Variants in AFG2A observed in about 807,000 individuals in gnomAD.
The protein encoded by AFG2A is ATPase family gene 2 protein homolog A.
At chr4:123,230,219 C>T in the AFG2A span, among the ~76,000 whole-genome samples, 286 of 152,074 alleles carry the variant, frequency 1.9e-3, 3 homozygotes, top group Middle Eastern at 6.8e-3. Context: ...CAACATTTTA[C>T]CCACAATATA....
chr4:123,150,714 A>G, the AFG2A span, among the ~76,000 whole-genome samples: 6 of 152,348 alleles, frequency 3.9e-5, no homozygotes, highest in South Asian at 2.1e-4. Context: ...TGTAGATTCA[A>G]TGCTATTCCC....
the AFG2A span, chr4:123,316,319 A>G: frequency 6.6e-6 from 1 of 152,220 alleles, no homozygotes; most frequent in Admixed American, 6.5e-5. Context: ...TTTATCAGAC[A>G]TATCAGCCAC....
chr4:123,170,964 A>G, the AFG2A span, among the ~76,000 whole-genome samples: 5 of 152,162 alleles, frequency 3.3e-5, no homozygotes, highest in African/African-American at 1.2e-4. Flanking sequence ...AAATGAGATC[A>G]TATCTGTGGA....
At chr4:122,968,666 G>A in the AFG2A span, among the ~76,000 whole-genome samples, 1 of 152,202 alleles carries the variant, frequency 6.6e-6, no homozygotes, top group Non-Finnish European at 1.5e-5. Context: ...CTGCACAAAT[G>A]TATGCATTTC....
chr4:122,927,494 T>G, the AFG2A span: 2 of 738,228 alleles, frequency 2.7e-6, no homozygotes, highest in Non-Finnish European at 4.1e-6. Flanking sequence ...ATAACAAAAG[T>G]TGGAACACTA....
chr4:123,055,512 A>G, the AFG2A span, among the ~76,000 whole-genome samples: 1 of 152,198 alleles, frequency 6.6e-6, no homozygotes, highest in Non-Finnish European at 1.5e-5. Flanking sequence ...ATTAGTTAAC[A>G]TTCTGCTAGG....
chr4:123,238,324 G>T, the AFG2A span, among the ~76,000 whole-genome samples: 1 of 152,220 alleles, frequency 6.6e-6, no homozygotes, highest in Admixed American at 6.5e-5. Context: ...AGACAGCAGT[G>T]GTTCTCCCAG....
chr4:123,206,772 T>C, the AFG2A span, among the ~76,000 whole-genome samples: 2 of 152,192 alleles, frequency 1.3e-5, no homozygotes, highest in Non-Finnish European at 1.5e-5. Flanking sequence ...TTCTTTTTTT[T>C]CTCATCTGAC....
the AFG2A span, among the ~76,000 whole-genome samples, chr4:123,016,754 G>A: frequency 6.6e-5 from 10 of 152,240 alleles, no homozygotes; most frequent in Admixed American, 3.9e-4. Context: ...TTGGCACTTT[G>A]GGAGGCCAAG....
At chr4:122,926,021 T>A in the AFG2A span, among the ~76,000 whole-genome samples, 3 of 152,148 alleles carry the variant, frequency 2.0e-5, no homozygotes, top group African/African-American at 7.2e-5. Flanking sequence ...ATTTTTAAAG[T>A]ATTGGAGGAG....
the AFG2A span, among the ~76,000 whole-genome samples, chr4:123,218,570 A>G: frequency 6.6e-6 from 1 of 152,190 alleles, no homozygotes; most frequent in African/African-American, 2.4e-5. Context: ...TGGTTGGATA[A>G]TTAGCAAATT....
the AFG2A span, among the ~76,000 whole-genome samples, chr4:123,055,821 G>C: frequency 6.6e-6 from 1 of 152,184 alleles, no homozygotes; most frequent in African/African-American, 2.4e-5. Flanking sequence ...CCCCACAACT[G>C]AGGTCATCTA....
At chr4:123,232,347 A>G in the AFG2A span, among the ~76,000 whole-genome samples, 1 of 152,032 alleles carries the variant, frequency 6.6e-6, no homozygotes, top group East Asian at 1.9e-4. Flanking sequence ...ATGAATAGGA[A>G]TATCTAGAGA....
At chr4:122,971,796 TTATTC>T in the AFG2A span, among the ~76,000 whole-genome samples, 5 of 152,308 alleles carry the variant, frequency 3.3e-5, no homozygotes, top group East Asian at 7.7e-4. Flanking sequence ...TATGAACTCT[TTATTC>T]TATTAATGGG....
chr4:122,975,792 A>T, the AFG2A span, among the ~76,000 whole-genome samples: 5 of 152,134 alleles, frequency 3.3e-5, no homozygotes, highest in South Asian at 8.3e-4. Flanking sequence ...GCAGTCAGTG[A>T]TTTTACTCTC....
At chr4:123,045,050 A>T in the AFG2A span, among the ~76,000 whole-genome samples, 1 of 151,768 alleles carries the variant, frequency 6.6e-6, no homozygotes, top group African/African-American at 2.4e-5. Context: ...TTTCCTGAAA[A>T]TTTTTGAAAA....
At chr4:122,939,329 G>T in the AFG2A span, among the ~76,000 whole-genome samples, 1 of 151,842 alleles carries the variant, frequency 6.6e-6, no homozygotes, top group Admixed American at 6.6e-5. Flanking sequence ...TGATCCGCCC[G>T]CCTCGGCCTC....
the AFG2A span, among the ~76,000 whole-genome samples, chr4:123,307,176 G>A: frequency 6.6e-6 from 1 of 152,132 alleles, no homozygotes. Flanking sequence ...ATCTACTTTT[G>A]CTTTTTGTTT....
chr4:123,177,208 T>A, the AFG2A span, among the ~76,000 whole-genome samples: 1 of 151,232 alleles, frequency 6.6e-6, no homozygotes, highest in South Asian at 2.1e-4. Context: ...TTTTTTTTTT[T>A]TTTGAGACGG....
Sources: gnomAD v4.1 joint callset for allele counts (sites outside exome capture counted in the v4.1 genomes callset) on GRCh38, gnomAD v4.1.1 for gene constraint, MANE v1.5 for transcripts, NCBI Gene and HGNC (gene_info 2026-07-23, HGNC 2026-07-21) for gene names.